COG7: variants seen among roughly 807,000 people sequenced by gnomAD.
The protein encoded by COG7 is component of oligomeric golgi complex 7.
COG7 carries 49 observed loss-of-function variants against 91.5 expected under a neutral mutation model. The ratio of observed to expected loss-of-function variants is 0.54; its 90% CI spans 0.43 to 0.68. The LOEUF (loss-of-function observed/expected upper bound fraction) is 0.68, where lower values mean the gene tolerates loss of function less well. Among genes scored for constraint, COG7 ranks in the 30% least tolerant of loss-of-function variants. The probability of loss-of-function intolerance (pLI) is 0.00; values close to 1 mark genes in which losing one functional copy is unlikely to be tolerated. For synonymous variants in COG7, 365 were observed against 388.7 expected (o/e 0.94, Z 0.72); for missense variants, 895 against 961.3 (o/e 0.93, Z 0.91).
chr16:23,409,175 T>G (rs1422172841), intron 11 of COG7, among the ~76,000 whole-genome samples: 6 of 151,876 alleles, frequency 4.0e-5, no homozygotes, highest in African/African-American at 1.5e-4. Context: ...CAGCAGCACC[T>G]AGACTCCTAC....
At chr16:23,448,346 T>C (rs2142098092) in intron 1 of COG7, among the ~76,000 whole-genome samples, 1 of 152,316 alleles carries the variant, frequency 6.6e-6, no homozygotes, top group South Asian at 2.1e-4. Flanking sequence ...CTTGTCTCAC[T>C]CTGTCCCCCA....
chr16:23,409,176 A>G (rs1318859779), intron 11 of COG7, among the ~76,000 whole-genome samples: 1 of 152,018 alleles, frequency 6.6e-6, no homozygotes, highest in Non-Finnish European at 1.5e-5. Context: ...AGCAGCACCT[A>G]GACTCCTACC....
intron 7 of COG7, among the ~76,000 whole-genome samples, chr16:23,419,493 A>C (rs1360653719): frequency 6.6e-6 from 1 of 151,788 alleles, no homozygotes; most frequent in Non-Finnish European, 1.5e-5. Flanking sequence ...TCACACTTGT[A>C]ATCCCAGCAC....
intron 6 of COG7, among the ~76,000 whole-genome samples, chr16:23,431,988 T>A (rs111388044): frequency 0.01 from 1,511 of 151,046 alleles, 32 homozygotes; most frequent in African/African-American, 0.034. Context: ...ACAAAAAAAA[T>A]TTTTTTTAAT....
Position 23,393,240 on chromosome 16 carries a change from A to G in COG7, c.1995T>C (p.Pro665=). 3.7e-6 allele frequency: 6 copies of G among 1,613,034 alleles called. No individual in the cohort carries two copies. The highest frequency in any genetic ancestry group is 4.2e-6 in the Non-Finnish European group (5 of 1,179,160). The part of the protein sequence containing the change: ...ALHAGKLPFP[P]EQGDELPELD... ...GAAACGGTCCCCGCTTACCCTGCTC[A>G]GGAGGAAATGGCAGCTTTCCAGCGT... The change falls in exon 15 of 17, where the codon CCT becomes CCC. Residue 665 remains proline, a synonymous_variant. Transcript: ENST00000307149.
intron 6 of COG7, 27 bp downstream of exon 6, chr16:23,433,518 C>G: frequency 2.9e-5 from 47 of 1,613,872 alleles, no homozygotes; most frequent in Non-Finnish European, 4.0e-5. Flanking sequence ...AGACTCTGTT[C>G]TCCCTAGAAC....
At position 23,403,720 on chromosome 16, in the gene COG7, G is replaced by A. The variant is rs1277627976; in HGVS notation, c.1777C>T (p.Gln593Ter). 7.4e-6 allele frequency: 12 copies of A among 1,614,188 alleles called. No individual in the cohort carries two copies. The highest frequency in any genetic ancestry group is 1.1e-5 in the South Asian group (1 of 91,082). ...TCCATCTTCGAAATAAGCAACAGCT[G>A]TTGTTTGATGCGCAGGAACACGGAA... ...FDSVFLRIKQ[Q>*]LLLISKMDSW... Residue 593 changes from glutamine to a stop codon, truncating the protein, a stop_gained, in exon 13 of 17, where the codon CAG becomes TAG. Coordinates refer to ENST00000307149, the MANE Select transcript of COG7 (RefSeq NM_153603.4). LOFTEE classifies it high-confidence loss of function.
chr16:23,393,583 T>C, intron 14 of COG7: 1 of 540,060 alleles, frequency 1.9e-6, no homozygotes, highest in Non-Finnish European at 3.3e-6. Flanking sequence ...CTCAATATTT[T>C]TGAAATGCAT....
At chr16:23,419,929 G>T (rs984986694) in intron 7 of COG7, among the ~76,000 whole-genome samples, 4 of 151,854 alleles carry the variant, frequency 2.6e-5, no homozygotes, top group African/African-American at 9.7e-5. Context: ...TTGAGGTTAG[G>T]AGTTTGAGAC....
At position 23,417,043 on chromosome 16, in the gene COG7, C is replaced by T. The variant is rs375723986; in HGVS notation, c.1216G>A (p.Val406Ile). 83 of 1,614,202 alleles carry T rather than the reference C, an allele frequency of 5.1e-5. No individual in the cohort carries two copies. Among genetic ancestry groups the T allele is most frequent in the South Asian group, 4.2e-4 (38 of 91,088 alleles). Residue 406 changes from valine to isoleucine, a missense_variant, in exon 9 of 17, where the codon GTT becomes ATT. Transcript: ENST00000307149. ...NKLFGLASAA[V>I]DRCVRFTNGL... ...TTGGTGAATCTGACGCATCTGTCAA[C>T]GGCTGCAGACGCCAGACCAAACAGC...
At chr16:23,390,076 C>T (rs1963166053) in intron 16 of COG7, 1 of 152,248 alleles carries the variant, frequency 6.6e-6, no homozygotes, top group African/African-American at 2.4e-5. Flanking sequence ...CCTTTCCCTC[C>T]TGCCTGGGCA....
rs1250622835 is a variant in COG7, at chr16:23,453,126, G to T, written c.-132C>A. On this transcript the variant is annotated 5_prime_UTR_variant, in exon 1 of 17. Coordinates refer to ENST00000307149, the MANE Select transcript of COG7 (RefSeq NM_153603.4). ...AGGCGAACCCCAGAAACGCCAGGAC[G>T]GGTAACTTGCCCCTTTGCGCTTCCC... The T allele has an allele frequency of 1.3e-6, 2 of 1,492,924 alleles. No individual in the cohort carries two copies. Among genetic ancestry groups the T allele is most frequent in the Non-Finnish European group, 1.8e-6 (2 of 1,118,020 alleles). 92.5% of individuals were successfully genotyped at this position (1,492,924 alleles called of 1,614,324 possible).
rs537923934 is a variant in COG7, at chr16:23,406,254, G to A, written c.1484C>T (p.Ser495Phe). 6.2e-7 allele frequency: 1 copy of A among 1,613,908 alleles called. No individual in the cohort carries two copies. The highest frequency in any genetic ancestry group is 1.3e-5 in the African/African-American group (1 of 75,034). Residue 495 changes from serine (S) to phenylalanine (F), a missense_variant, in exon 12 of 17, where the codon TCC becomes TTC. Physicochemically the swap from Ser to Phe is radical, Grantham distance 155 (BLOSUM62 -2). Coordinates refer to ENST00000307149, the MANE Select transcript of COG7 (RefSeq NM_153603.4). ...ATCAGATAGATACTTCCCAGCTGTG[G>A]ACAAAATCCTGTAATGAAAGGAATG... ...FEQQLANRIL[S>F]TAGKYLSDSC...
chr16:23,391,406 G>A (rs1296999255), intron 16 of COG7, among the ~76,000 whole-genome samples: 1 of 152,180 alleles, frequency 6.6e-6, no homozygotes, highest in Non-Finnish European at 1.5e-5. Context: ...TAGCCAAAAG[G>A]CTGCCTGTTC....
At chr16:23,434,087 G>C (rs1162181029) in intron 5 of COG7, among the ~76,000 whole-genome samples, 1 of 152,078 alleles carries the variant, frequency 6.6e-6, no homozygotes, top group Non-Finnish European at 1.5e-5. Context: ...CAAGTTTTTT[G>C]GCAATCTAAC....
At chr16:23,451,620 T>C (rs543388873) in intron 1 of COG7, among the ~76,000 whole-genome samples, 4 of 150,680 alleles carry the variant, frequency 2.7e-5, no homozygotes, top group Admixed American at 6.7e-5. Flanking sequence ...CTTGGGAGGC[T>C]GAGGCGAGCG....
Position 23,403,840 on chromosome 16 carries a change from A to T in COG7, c.1663-6T>A. The T allele has an allele frequency of 6.2e-7, 1 of 1,614,192 alleles. No homozygotes were observed. Among genetic ancestry groups the T allele is most frequent in the Non-Finnish European group, 8.5e-7 (1 of 1,180,038 alleles). ...TGGTTGCTTGACCCTTTTTCCTAAG[A>T]CAAGAAAATGCAAAAGGCAGTTGTT... On this transcript the variant is annotated splice_region_variant and splice_polypyrimidine_tract_variant and intron_variant, in intron 12 of 16. Transcript: ENST00000307149.
rs1025955102 is a variant in COG7, at chr16:23,445,755, C to A, written c.318+58G>T. On this transcript the variant is annotated intron_variant, in intron 2 of 16. Coordinates refer to ENST00000307149, the MANE Select transcript of COG7 (RefSeq NM_153603.4). ...TGTTCTAAAGCCCTTACGAGAGTGA[C>A]CACCTTCCCAAAGCAAGAATCACCA... 5.1e-6 allele frequency: 8 copies of A among 1,576,400 alleles called. No homozygotes were observed. In the Admixed American group the frequency reaches 6.7e-5, roughly 13 times the overall value.
intron 11 of COG7, 67 bp from the exon 12 acceptor site, chr16:23,406,329 A>T: frequency 5.3e-6 from 7 of 1,312,102 alleles, no homozygotes; most frequent in South Asian, 1.2e-5. Flanking sequence ...TGGAGCAGTC[A>T]GATTGCTCCT....
Sources: allele counts gnomAD v4.1 joint callset (sites outside exome capture counted in the v4.1 genomes callset), GRCh38; gene constraint gnomAD v4.1.1; transcripts MANE v1.5; gene names NCBI Gene and HGNC (gene_info 2026-07-23, HGNC 2026-07-21).